The following ZNF316 variants were observed in gnomAD, a reference collection of about 807,000 sequenced individuals.
The protein encoded by ZNF316 is zinc finger protein 316.
Under a neutral mutation model 75.6 loss-of-function variants are expected in ZNF316, and 23 were observed. The observed-to-expected ratio is 0.30, with a 90% CI of 0.22 to 0.43. The LOEUF (loss-of-function observed/expected upper bound fraction) is 0.43, where lower values mean the gene tolerates loss of function less well. ZNF316 is among the 20% of genes least tolerant of loss of function. The pLI is 1.00. For missense variants in ZNF316, 1,266 were observed against 1,409.4 expected (o/e 0.90, Z 1.63); for synonymous variants, 827 against 666.2 (o/e 1.24, Z -3.72).
Position 6,640,826 on chromosome 7 carries a change from GGTT to G in ZNF316, c.-166-995_-166-993del, listed in dbSNP as rs1320464082. 1.3e-5 allele frequency among the ~76,000 whole-genome samples: 2 copies of G among 152,194 alleles called. No individual in the cohort carries two copies. The highest frequency in any genetic ancestry group is 2.9e-5 in the Non-Finnish European group (2 of 68,030). On this transcript the variant is annotated intron_variant, in intron 3 of 8. Coordinates refer to ENST00000382252, the MANE Select transcript of ZNF316 (RefSeq NM_001278559.2). The surrounding 1 kb of genome is among the most constrained non-coding windows in gnomAD (Gnocchi z 5.1). ...GGAGTTCTCAGTTCACAAGAGATCT[GGTT>G]GTTTTAAAAGAGTGGGGCTTCCTCC...
intron 8 of ZNF316, among the ~76,000 whole-genome samples, chr7:6,646,118 G>A (rs1384087470): frequency 6.6e-6 from 1 of 152,034 alleles, no homozygotes; most frequent in Non-Finnish European, 1.5e-5. Context: ...GACACGACAC[G>A]TGCGGATTAC....
Position 6,652,827 on chromosome 7 carries a change from G to A in ZNF316, c.1231G>A (p.Val411Ile), listed in dbSNP as rs1180769465. ...FPCPDCGKRF[V>I]YKSHLVTHRR... ...GTGCCCGGACTGCGGCAAGCGCTTCGTCTACAAGTCGCACCTGGTTACGCA... is the reference window on the plus strand; with the variant it reads ...GTGCCCGGACTGCGGCAAGCGCTTCATCTACAAGTCGCACCTGGTTACGCA... Residue 411 changes from valine (V) to isoleucine (I), a missense_variant, in exon 9 of 9, where the codon GTC becomes ATC. Around this residue, in one of 3 missense-constraint regions of ZNF316, gnomAD observed 961 missense variants for 990.9 expected, o/e 0.97. Transcript: ENST00000382252. 6.4e-6 allele frequency: 8 copies of A among 1,256,540 alleles called. No homozygotes were observed. The highest frequency in any genetic ancestry group is 6.1e-5 in the East Asian group (2 of 32,548). 77.8% of individuals were successfully genotyped at this position (1,256,540 alleles called of 1,614,324 possible).
At position 6,653,817 on chromosome 7, in the gene ZNF316, C is replaced by G; in HGVS notation, c.2221C>G (p.His741Asp). 1 of 1,079,852 alleles carries G rather than the reference C, an allele frequency of 9.3e-7. No homozygotes were observed. The highest frequency in any genetic ancestry group is 1.1e-6 in the Non-Finnish European group (1 of 888,338). 66.9% of individuals were successfully genotyped at this position (1,079,852 alleles called of 1,614,324 possible). The stretch of plus-strand genomic sequence containing the variant: ...GCACCTGGCGCGCCACCGGCGCACA[C>G]ACACCGGCGAGCGGCCCTTCCCGTG... Reference protein sequence around the residue: ...GSHLARHRRTHTGERPFPCPE... With the variant: ...GSHLARHRRTDTGERPFPCPE... The change falls in exon 9 of 9, where the codon CAC becomes GAC. Residue 741 changes from histidine (H) to aspartate (D), a missense_variant. By Grantham distance (81) the His-to-Asp change is moderately conservative (BLOSUM62 -1). Transcript: ENST00000382252.
rs1212336332 is a variant in ZNF316 at position 6,656,755 on chromosome 7, G to C, written c.*2144G>C. ...AGTGAGGGGCCAGGTACCCTTCGTG[G>C]TGGTCCAAACACATCCCCAGCCCTT... is the stretch of plus-strand genomic sequence containing the variant. On this transcript the variant is annotated 3_prime_UTR_variant, in exon 9 of 9. Transcript: ENST00000382252. 6.6e-6 allele frequency among the ~76,000 whole-genome samples: 1 copy of C among 152,156 alleles called. No individual in the cohort carries two copies. Among genetic ancestry groups the C allele is most frequent in the African/African-American group, 2.4e-5 (1 of 41,432 alleles).
intron 6 of ZNF316, 128 bp downstream of exon 6, chr7:6,643,201 G>A: frequency 8.3e-7 from 1 of 1,207,858 alleles, no homozygotes; most frequent in Non-Finnish European, 1.0e-6. Context: ...CCAGGCCCAG[G>A]CCCTGAGCTG....
intron 8 of ZNF316, among the ~76,000 whole-genome samples, chr7:6,646,055 A>AT (rs767560928): frequency 9.2e-4 from 139 of 151,106 alleles, no homozygotes; most frequent in Non-Finnish European, 1.1e-3. Flanking sequence ...TGAGAACAGC[A>AT]TGGGGGGAAA....
Position 6,653,880 on chromosome 7 carries a change from T to A in ZNF316, c.2284T>A (p.Leu762Met). The change falls in exon 9 of 9, where the codon TTG becomes ATG. Residue 762 changes from leucine (L) to methionine (M), a missense_variant. Physicochemically the swap from Leu to Met is conservative, Grantham distance 15. Coordinates refer to ENST00000382252, the MANE Select transcript of ZNF316 (RefSeq NM_001278559.2). ...CGARFARGSH[L>M]AAHVRGHTGE... ...CGCGCGGTTCGCCCGCGGCTCGCAC[T>A]TGGCGGCGCACGTGCGCGGCCACAC... is the stretch of plus-strand genomic sequence containing the variant. 1 of 1,096,910 alleles carries A rather than the reference T, an allele frequency of 9.1e-7. No homozygotes were observed. Among genetic ancestry groups the A allele is most frequent in the Non-Finnish European group, 1.1e-6 (1 of 902,090 alleles). The allele number at this position is 1,096,910 out of a possible 1,614,324, so 67.9% of individuals were successfully genotyped here.
rs1779325256 is a variant in ZNF316 at position 6,642,367 on chromosome 7, C to T, written c.-28-15C>T. ...GCTGAGAGCAGCCCGTCACTGGCGTCCATCTGCATTTCAGGCCACGTGGAG... is the reference window on the plus strand; with the variant it reads ...GCTGAGAGCAGCCCGTCACTGGCGTTCATCTGCATTTCAGGCCACGTGGAG... On this transcript the variant is annotated splice_polypyrimidine_tract_variant and intron_variant, in intron 4 of 8. Transcript: ENST00000382252. This position sits in a 1 kb window ranked among gnomAD's most constrained non-coding sequence, Gnocchi z 8.1. 1 of 1,191,502 alleles carries T rather than the reference C, an allele frequency of 8.4e-7. No individual in the cohort carries two copies. Among genetic ancestry groups the T allele is most frequent in the African/African-American group, 1.6e-5 (1 of 63,636 alleles). 73.8% of individuals were successfully genotyped at this position (1,191,502 alleles called of 1,614,324 possible).
At position 6,639,573 on chromosome 7, in the gene ZNF316, C is replaced by T. The variant is rs566326089; in HGVS notation, c.-167+432C>T. Among the ~76,000 whole-genome samples the T allele has an allele frequency of 1.1e-3, 161 of 152,306 alleles. No individual in the cohort carries two copies. Among genetic ancestry groups the T allele is most frequent in the Non-Finnish European group, 1.9e-3 (130 of 68,022 alleles). On this transcript the variant is annotated intron_variant, in intron 3 of 8. Coordinates refer to ENST00000382252, the MANE Select transcript of ZNF316 (RefSeq NM_001278559.2). This position sits in a 1 kb window ranked among gnomAD's most constrained non-coding sequence, Gnocchi z 4.2. The stretch of plus-strand genomic sequence containing the variant: ...GGCCTGAGATGAGATGAACATGCAG[C>T]CACTTTATTCCAAAGCTGTGAAGTG...
chr7:6,652,329 G>C lies in ZNF316; in HGVS notation c.733G>C (p.Glu245Gln). The C allele has an allele frequency of 8.1e-7, 1 of 1,232,410 alleles. No homozygotes were observed. Among genetic ancestry groups the C allele is most frequent in the South Asian group, 4.1e-5 (1 of 24,320 alleles). The allele number at this position is 1,232,410 out of a possible 1,614,324, so 76.3% of individuals were successfully genotyped here. ...AGCCTGGTTCTGGACGGACGACATA[G>C]AGGACCACGAGGAGGAAGACGACGA... is the stretch of plus-strand genomic sequence containing the variant. ...TGAWFWTDDI[E>Q]DHEEEDDEDF... Residue 245 changes from glutamate (E) to glutamine (Q), a missense_variant, in exon 9 of 9, where the codon GAG (glutamate) becomes CAG (glutamine). Coordinates refer to ENST00000382252, the MANE Select transcript of ZNF316 (RefSeq NM_001278559.2).
At position 6,640,392 on chromosome 7, in the gene ZNF316, A is replaced by AG. The variant is rs574262779; in HGVS notation, c.-167+1256dup. Among the ~76,000 whole-genome samples the AG allele has an allele frequency of 1.3e-3, 205 of 152,196 alleles. 1 individual carries two copies. The highest frequency in any genetic ancestry group is 4.8e-3 in the African/African-American group (199 of 41,512). On this transcript the variant is annotated intron_variant, in intron 3 of 8. Coordinates refer to ENST00000382252, the MANE Select transcript of ZNF316 (RefSeq NM_001278559.2). The surrounding 1 kb of genome is among the most constrained non-coding windows in gnomAD (Gnocchi z 5.1). ...AAGCCTTTAATCATGGTGGACGGTG[A>AG]GGGGGAGTAGGTATGTCACATGGCG...
In ZNF316 at chr7:6,653,045, C is replaced by A. The variant is rs1309129835; in HGVS notation, c.1449C>A (p.Arg483=). Residue 483 remains arginine (R), a synonymous_variant, in exon 9 of 9, where the codon CGC becomes CGA. Coordinates refer to ENST00000382252, the MANE Select transcript of ZNF316 (RefSeq NM_001278559.2). ...ARHQAVHTAD[R]PHCCPDCGQA... is the part of the protein sequence containing the mutation. ...ACCAGGCGGTGCACACGGCCGACCG[C>A]CCGCACTGCTGTCCCGACTGCGGCC... The A allele has an allele frequency of 2.5e-6, 3 of 1,218,414 alleles. No individual in the cohort carries two copies. In the African/African-American group the frequency reaches 4.7e-5, roughly 19 times the overall value. The allele number at this position is 1,218,414 out of a possible 1,614,324, so 75.5% of individuals were successfully genotyped here. A position where few individuals can be genotyped will look rare whatever the true frequency, so the allele number is the denominator to read the frequency against.
At chr7:6,649,257 G>A (rs529395613) in intron 8 of ZNF316, among the ~76,000 whole-genome samples, 3 of 152,276 alleles carry the variant, frequency 2.0e-5, no homozygotes, top group African/African-American at 7.2e-5. Context: ...AGGCCTAAAC[G>A]TGAGGTGCAG....
chr7:6,657,436 G>A lies in ZNF316; in HGVS notation c.*2825G>A, dbSNP rs1485275190. On this transcript the variant is annotated 3_prime_UTR_variant, in exon 9 of 9. Coordinates refer to ENST00000382252, the MANE Select transcript of ZNF316 (RefSeq NM_001278559.2). ...GAAATTCAAGGCCAACCTGGGCAAC[G>A]TATCAAGACTCCATGTCTGAAACAG... Among the ~76,000 whole-genome samples, 1 of 151,400 alleles carries A rather than the reference G, an allele frequency of 6.6e-6. No homozygotes were observed. The highest frequency in any genetic ancestry group is 1.5e-5 in the Non-Finnish European group (1 of 67,954).
chr7:6,639,169 A>G lies in ZNF316; in HGVS notation c.-167+28A>G, dbSNP rs1020162246. 6.6e-6 allele frequency: 1 copy of G among 152,376 alleles called. No individual in the cohort carries two copies. Among genetic ancestry groups the G allele is most frequent in the African/African-American group, 2.4e-5 (1 of 41,432 alleles). 9.4% of individuals were successfully genotyped at this position (152,376 alleles called of 1,614,324 possible). A position where few individuals can be genotyped will look rare whatever the true frequency, so the allele number is the denominator to read the frequency against. ...GAGTTCCAATTCCAAGGGTCCCCCC[A>G]ACCCCCTACCCCCAGCAGTGGTCAG... On this transcript the variant is annotated intron_variant, in intron 3 of 8. Transcript: ENST00000382252. This position sits in a 1 kb window ranked among gnomAD's most constrained non-coding sequence, Gnocchi z 4.2.
intron 2 of ZNF316, among the ~76,000 whole-genome samples, chr7:6,638,701 G>T (rs1205252623): frequency 1.3e-5 from 2 of 152,212 alleles, no homozygotes; most frequent in Non-Finnish European, 2.9e-5. Context: ...TTGTGAGGTC[G>T]AGGCGGGTGG....
At chr7:6,644,634 C>G in intron 8 of ZNF316, 41 bp downstream of exon 8, 1 of 1,137,614 alleles carries the variant, frequency 8.8e-7, no homozygotes, top group Non-Finnish European at 1.1e-6. Flanking sequence ...CCGATAGCTT[C>G]TCAGAGCTGT....
intron 6 of ZNF316, 47 bp downstream of exon 6, chr7:6,643,120 T>C (rs924074113): frequency 2.4e-6 from 3 of 1,232,104 alleles, no homozygotes; most frequent in African/African-American, 3.1e-5. Flanking sequence ...GGGCAGGGTT[T>C]CCCCCGGGGC....
intron 8 of ZNF316, among the ~76,000 whole-genome samples, chr7:6,648,682 C>A (rs1215023207): frequency 6.6e-6 from 1 of 152,200 alleles, no homozygotes; most frequent in Non-Finnish European, 1.5e-5. Flanking sequence ...GAATTCACAC[C>A]CAGACAGAGC....
Sources: allele counts gnomAD v4.1 joint callset (sites outside exome capture counted in the v4.1 genomes callset), GRCh38; gene constraint gnomAD v4.1.1; regional missense constraint gnomAD v4.1.1; non-coding constraint Gnocchi (gnomAD v3.1); transcripts MANE v1.5; gene names NCBI Gene and HGNC (gene_info 2026-07-23, HGNC 2026-07-21).